Variants in CNTNAP5 observed in about 807,000 individuals in gnomAD.
CNTNAP5 encodes the protein contactin associated protein family member 5.
CNTNAP5 carries 72 observed loss-of-function variants against 150.2 expected under a neutral mutation model. The ratio of observed to expected loss-of-function variants is 0.48; its 90% CI spans 0.40 to 0.58. The LOEUF is 0.58. Ranked by LOEUF, CNTNAP5 falls within the 20% of genes least tolerant of loss-of-function variation. The pLI, the probability that CNTNAP5 is intolerant of heterozygous loss-of-function variation, is 0.00. For missense variants in CNTNAP5, 1,636 were observed against 1,626.2 expected, an observed-to-expected ratio of 1.01 and a Z score of -0.10; for synonymous variants, 672 against 619.8, an observed-to-expected ratio of 1.08 and a Z score of -1.25.
intron 18 of CNTNAP5, among the ~76,000 whole-genome samples, chr2:124,792,788 T>A (rs1681761931): frequency 6.6e-6 from 1 of 152,220 alleles, no homozygotes; most frequent in African/African-American, 2.4e-5. Context: ...GTATGTGATC[T>A]TTTTGTGTCT....
intron 3 of CNTNAP5, among the ~76,000 whole-genome samples, chr2:124,393,553 G>A (rs1286691325): frequency 6.6e-6 from 1 of 152,190 alleles, no homozygotes; most frequent in African/African-American, 2.4e-5. Flanking sequence ...TATGCATGGG[G>A]TTCAGCCCCT....
At chr2:124,787,643 C>T (rs547913398) in intron 17 of CNTNAP5, among the ~76,000 whole-genome samples, 3 of 152,176 alleles carry the variant, frequency 2.0e-5, no homozygotes, top group South Asian at 4.2e-4. Flanking sequence ...CTCCCCTGCC[C>T]CATGTCCCCC....
chr2:124,367,743 C>G (rs1369221745), intron 3 of CNTNAP5, among the ~76,000 whole-genome samples: 4 of 152,166 alleles, frequency 2.6e-5, no homozygotes, highest in South Asian at 4.1e-4. Context: ...ACCTGGCTCC[C>G]TGACGTGAAG....
intron 3 of CNTNAP5, among the ~76,000 whole-genome samples, chr2:124,271,715 T>A (rs891136297): frequency 1.3e-5 from 2 of 151,852 alleles, no homozygotes; most frequent in African/African-American, 2.4e-5. Context: ...TATCTATCTA[T>A]CTATCTATCT....
chr2:124,401,413 T>A (rs1221674592), intron 3 of CNTNAP5, among the ~76,000 whole-genome samples: 1 of 152,220 alleles, frequency 6.6e-6, no homozygotes, highest in Non-Finnish European at 1.5e-5. Flanking sequence ...TCATATTTTA[T>A]CTTCTAGTAC....
Position 124,557,011 on chromosome 2 carries a change from G to A in CNTNAP5, c.1650-6206G>A, listed in dbSNP as rs191507627. On this transcript the variant is annotated intron_variant, in intron 10 of 23. Coordinates refer to ENST00000682447, the MANE Select transcript of CNTNAP5 (RefSeq NM_001367498.1). ...TAGATATTCTCCTGCCTTCCCCCCC[G>A]CTCAAAAAAAAAAAAAGCTCTAAGT... Among the ~76,000 whole-genome samples the A allele has an allele frequency of 2.5e-3, 379 of 148,948 alleles. 17 individuals are homozygous for A. Among genetic ancestry groups the A allele is most frequent in the Admixed American group, 0.025 (372 of 14,968 alleles).
intron 20 of CNTNAP5, 143 bp downstream of exon 20, chr2:124,865,579 C>A: frequency 1.4e-6 from 1 of 738,308 alleles, no homozygotes; most frequent in Non-Finnish European, 2.2e-6. Context: ...CTTGGAAGAA[C>A]TAGGATAGTG....
intron 21 of CNTNAP5, among the ~76,000 whole-genome samples, chr2:124,898,448 G>A (rs1050581670): frequency 9.3e-5 from 14 of 151,308 alleles, no homozygotes; most frequent in African/African-American, 2.2e-4. Context: ...AAACAATTGC[G>A]AATGTGTAAA....
At chr2:124,399,359 G>T (rs1275604774) in intron 3 of CNTNAP5, among the ~76,000 whole-genome samples, 1 of 152,078 alleles carries the variant, frequency 6.6e-6, no homozygotes. Flanking sequence ...TAAAATGAAT[G>T]ATTAAAAAAG....
intron 19 of CNTNAP5, among the ~76,000 whole-genome samples, chr2:124,800,107 G>C (rs1363655009): frequency 6.6e-6 from 1 of 152,310 alleles, no homozygotes; most frequent in Non-Finnish European, 1.5e-5. Context: ...TGCCAACGAG[G>C]TAATCTATGG....
intron 13 of CNTNAP5, among the ~76,000 whole-genome samples, chr2:124,685,079 A>G (rs546353834): frequency 1.3e-5 from 2 of 152,252 alleles, no homozygotes; most frequent in South Asian, 2.1e-4. Flanking sequence ...ACTTTTCTAG[A>G]TAGCCTCTGA....
chr2:124,722,954 T>C (rs1680078013), intron 13 of CNTNAP5, among the ~76,000 whole-genome samples: 1 of 152,146 alleles, frequency 6.6e-6, no homozygotes. Flanking sequence ...GTCTCCCATT[T>C]CTCTCTATTC....
chr2:124,883,205 G>A (rs1678003531), intron 21 of CNTNAP5, among the ~76,000 whole-genome samples: 1 of 151,712 alleles, frequency 6.6e-6, no homozygotes, highest in African/African-American at 2.4e-5. Flanking sequence ...GGGAAGACAA[G>A]GTCATACTGC....
chr2:124,594,471 A>G (rs955300471), intron 11 of CNTNAP5, among the ~76,000 whole-genome samples: 3 of 151,708 alleles, frequency 2.0e-5, no homozygotes, highest in East Asian at 2.0e-4. Context: ...ATTTCTGAGG[A>G]CTCTGTTCTG....
chr2:124,214,028 T>C (rs1230643422), intron 1 of CNTNAP5, among the ~76,000 whole-genome samples: 1 of 152,186 alleles, frequency 6.6e-6, no homozygotes, highest in Non-Finnish European at 1.5e-5. Context: ...ACTTTGACCT[T>C]GGTTCAAAGC....
intron 19 of CNTNAP5, among the ~76,000 whole-genome samples, chr2:124,804,292 C>T (rs1444262810): frequency 6.6e-6 from 1 of 152,196 alleles, no homozygotes; most frequent in Non-Finnish European, 1.5e-5. Context: ...CTTCCATTAT[C>T]ACAGGGTTAG....
chr2:124,472,227 C>A (rs1485275351), intron 6 of CNTNAP5, among the ~76,000 whole-genome samples: 1 of 152,020 alleles, frequency 6.6e-6, no homozygotes, highest in Non-Finnish European at 1.5e-5. Context: ...ACAAAATACT[C>A]TCTTGTCTGT....
chr2:124,854,754 G>A (rs1677316948), intron 19 of CNTNAP5, among the ~76,000 whole-genome samples: 1 of 152,150 alleles, frequency 6.6e-6, no homozygotes, highest in Non-Finnish European at 1.5e-5. Flanking sequence ...TTCCTCCTAG[G>A]GGAGCTTAGA....
intron 13 of CNTNAP5, among the ~76,000 whole-genome samples, chr2:124,682,093 G>A (rs936837165): frequency 1.3e-5 from 2 of 152,182 alleles, no homozygotes; most frequent in Non-Finnish European, 2.9e-5. Context: ...CTCAAGGTCA[G>A]TCATAGGTGA....
Sources: gnomAD v4.1 joint callset for allele counts (sites outside exome capture counted in the v4.1 genomes callset) on GRCh38, gnomAD v4.1.1 for gene constraint, MANE v1.5 for transcripts, NCBI Gene and HGNC (gene_info 2026-07-23, HGNC 2026-07-21) for gene names.